Variants in PSD3 observed in about 807,000 individuals in gnomAD.
PSD3 encodes pleckstrin and Sec7 domain containing 3.
In PSD3, 49 loss-of-function variants were observed where a neutral mutation model predicts 105.5. That is an observed-to-expected ratio of 0.46 (90% CI 0.37 to 0.59). The LOEUF (loss-of-function observed/expected upper bound fraction) is 0.59, where lower values mean the gene tolerates loss of function less well. Ranked by LOEUF, PSD3 falls within the 20% of genes least tolerant of loss-of-function variation. PSD3 has a pLI of 0.00. For missense variants in PSD3, 1,561 were observed against 1,263.8 expected, an observed-to-expected ratio of 1.24 and a Z score of -3.57; for synonymous variants, 557 against 457.8, an observed-to-expected ratio of 1.22 and a Z score of -2.77.
At chr8:19,027,632 C>T (rs1208348217) in intron 1 of PSD3, among the ~76,000 whole-genome samples, 1 of 152,198 alleles carries the variant, frequency 6.6e-6, no homozygotes, top group Admixed American at 6.5e-5. Context: ...AGAGCAACTG[C>T]TGACAGAGTT....
chr8:18,670,090 A>G (rs1585566753), intron 9 of PSD3, among the ~76,000 whole-genome samples: 1 of 152,268 alleles, frequency 6.6e-6, no homozygotes, highest in East Asian at 1.9e-4. Context: ...AAGGTGATTC[A>G]AATAAGGTCA....
At chr8:18,603,251 T>G (rs1804566281) in intron 11 of PSD3, among the ~76,000 whole-genome samples, 1 of 152,226 alleles carries the variant, frequency 6.6e-6, no homozygotes, top group Non-Finnish European at 1.5e-5. Context: ...GGGTTTTGAT[T>G]CCAACAATCT....
chr8:18,863,620 A>G (rs6586780), intron 4 of PSD3, among the ~76,000 whole-genome samples: 1 of 151,972 alleles, frequency 6.6e-6, no homozygotes, highest in African/African-American at 2.4e-5. Flanking sequence ...ATGACAAAAA[A>G]CTTAATTATG....
At chr8:18,945,069 C>G (rs943859018) in intron 1 of PSD3, among the ~76,000 whole-genome samples, 1 of 151,272 alleles carries the variant, frequency 6.6e-6, no homozygotes, top group Non-Finnish European at 1.5e-5. Context: ...TTCAGACAGA[C>G]ACACACACAC....
At chr8:18,941,551 T>G (rs1011523370) in intron 1 of PSD3, among the ~76,000 whole-genome samples, 3 of 152,282 alleles carry the variant, frequency 2.0e-5, no homozygotes, top group South Asian at 4.1e-4. Context: ...AACCTTACAT[T>G]TGATATGACT....
At chr8:18,558,757 G>T (rs1801225990) in intron 14 of PSD3, among the ~76,000 whole-genome samples, 2 of 152,160 alleles carry the variant, frequency 1.3e-5, no homozygotes, top group African/African-American at 4.8e-5. Context: ...GGAGATGGAG[G>T]CTGCAGTGAG....
intron 1 of PSD3, among the ~76,000 whole-genome samples, chr8:19,029,150 G>A (rs1827669370): frequency 6.6e-6 from 1 of 152,052 alleles, no homozygotes; most frequent in Non-Finnish European, 1.5e-5. Context: ...TAGGTTCTTT[G>A]TATGTCCAAA....
At chr8:18,916,150 C>A (rs1466963943) in intron 2 of PSD3, among the ~76,000 whole-genome samples, 2 of 151,392 alleles carry the variant, frequency 1.3e-5, no homozygotes, top group Non-Finnish European at 2.9e-5. Context: ...CCAGCAATCC[C>A]ATTTCTGTGT....
At chr8:18,601,483 G>T (rs368408239) in intron 11 of PSD3, among the ~76,000 whole-genome samples, 15 of 151,998 alleles carry the variant, frequency 9.9e-5, no homozygotes, top group African/African-American at 2.9e-4. Flanking sequence ...AATCTCTTTT[G>T]ACTGAATACT....
intron 13 of PSD3, among the ~76,000 whole-genome samples, chr8:18,573,545 G>C (rs572575071): frequency 1.8e-4 from 26 of 145,466 alleles, no homozygotes; most frequent in African/African-American, 6.1e-4. Context: ...TCAAAAAAGG[G>C]AAACAATCCA....
intron 10 of PSD3, among the ~76,000 whole-genome samples, chr8:18,652,403 C>T (rs1005711073): frequency 6.7e-6 from 1 of 150,208 alleles, no homozygotes; most frequent in African/African-American, 2.5e-5. Context: ...CAGAGAAAGT[C>T]TAGTTAGAGA....
chr8:18,665,091 C>A (rs1465625597), intron 9 of PSD3, among the ~76,000 whole-genome samples: 1 of 152,190 alleles, frequency 6.6e-6, no homozygotes, highest in Non-Finnish European at 1.5e-5. Context: ...ATTCCGTAGA[C>A]CATGGATCAA....
chr8:18,773,313 T>G (rs13253071), intron 8 of PSD3, among the ~76,000 whole-genome samples: 67,821 of 152,038 alleles, frequency 0.45, 18,020 homozygotes, highest in Non-Finnish European at 0.6. Context: ...TGTTGAAGAT[T>G]TGAGGATTTG....
chr8:18,853,359 C>T (rs11995692), intron 4 of PSD3, among the ~76,000 whole-genome samples: 85,230 of 151,906 alleles, frequency 0.56, 24,470 homozygotes, highest in East Asian at 0.9. Context: ...TTGCTGGGTT[C>T]TGGATGGTCA....
chr8:18,830,998 C>T (rs1444032020), intron 4 of PSD3, among the ~76,000 whole-genome samples: 2 of 151,722 alleles, frequency 1.3e-5, no homozygotes, highest in African/African-American at 4.9e-5. Flanking sequence ...ATCCAGAAAG[C>T]GAGGCAGAGG....
intron 15 of PSD3, among the ~76,000 whole-genome samples, chr8:18,537,682 CTTT>C (rs34193973): frequency 6.8e-6 from 1 of 148,144 alleles, no homozygotes. Context: ...GCCTCTCATT[CTTT>C]TTTTTTTTTG....
chr8:18,903,677 G>A (rs548263011), intron 2 of PSD3, among the ~76,000 whole-genome samples: 1 of 152,256 alleles, frequency 6.6e-6, no homozygotes, highest in African/African-American at 2.4e-5. Flanking sequence ...ATACCCCAGG[G>A]ACCAATGTGC....
At chr8:18,916,345 T>TAC (rs1224186963) in intron 2 of PSD3, among the ~76,000 whole-genome samples, 5 of 50,246 alleles carry the variant, frequency 1.0e-4, no homozygotes, top group African/African-American at 1.5e-4. Context: ...TATATATATA[T>TAC]ATATACACAC....
intron 15 of PSD3, among the ~76,000 whole-genome samples, chr8:18,539,348 T>C (rs1185842386): frequency 1.3e-5 from 2 of 152,166 alleles, no homozygotes; most frequent in African/African-American, 4.8e-5. Context: ...TCGCCTCATA[T>C]TCTCTTTCTG....
Sources: gnomAD v4.1 joint callset for allele counts (sites outside exome capture counted in the v4.1 genomes callset) on GRCh38, gnomAD v4.1.1 for gene constraint, MANE v1.5 for transcripts, NCBI Gene and HGNC (gene_info 2026-07-23, HGNC 2026-07-21) for gene names.